Variants in ZMIZ2 observed in about 807,000 individuals in gnomAD.
ZMIZ2 encodes the protein zinc finger MIZ domain-containing protein 2.
In ZMIZ2, 26 loss-of-function variants were observed where a neutral mutation model predicts 93.9. The ratio of observed to expected loss-of-function variants is 0.28; its 90% CI spans 0.20 to 0.38. The LOEUF (loss-of-function observed/expected upper bound fraction) is 0.38, where lower values mean the gene tolerates loss of function less well. ZMIZ2 is among the 10% of genes least tolerant of loss of function. The pLI is 1.00. For synonymous variants in ZMIZ2, 485 were observed against 516.4 expected (o/e 0.94, Z 0.82); for missense variants, 1,023 against 1,235.0 (o/e 0.83, Z 2.57).
At chr7:44,753,876 G>A (rs560766527) in intron 1 of ZMIZ2, among the ~76,000 whole-genome samples, 1 of 151,242 alleles carries the variant, frequency 6.6e-6, no homozygotes, top group Admixed American at 6.6e-5. Flanking sequence ...TTTTTTGTTT[G>A]TTGTTTTGAT....
At chr7:44,760,257 G>T (rs753998721) in intron 8 of ZMIZ2, 29 bp downstream of exon 8, 48 of 1,600,848 alleles carry the variant, frequency 3.0e-5, no homozygotes, top group Non-Finnish European at 4.0e-5. Context: ...AGGATGGGCC[G>T]GGAGGCTCAC....
chr7:44,749,417 G>A (rs1398383433), intron 1 of ZMIZ2, among the ~76,000 whole-genome samples: 1 of 152,176 alleles, frequency 6.6e-6, no homozygotes, highest in East Asian at 1.9e-4. Context: ...ACGCCCCTCC[G>A]CTCCTACTTA....
chr7:44,757,696 G>A, intron 5 of ZMIZ2, 135 bp downstream of exon 5: 1 of 1,447,016 alleles, frequency 6.9e-7, no homozygotes, highest in Non-Finnish European at 9.1e-7. Context: ...AGAGAGATGT[G>A]TGGGAAGGAG....
At position 44,757,548 on chromosome 7, in the gene ZMIZ2, GC is replaced by G; in HGVS notation, c.541del (p.Gln181SerfsTer30). The G allele has an allele frequency of 6.2e-7, 1 of 1,605,732 alleles. No individual in the cohort carries two copies. The highest frequency in any genetic ancestry group is 8.5e-7 in the Non-Finnish European group (1 of 1,176,234). ...CAGGAGAAGCAGAGCCAGGAGCTGAGCCAGTATGGAGCGGTGAGCCCCCTCA... is the reference window on the plus strand; with the variant it reads ...CAGGAGAAGCAGAGCCAGGAGCTGAGCAGTATGGAGCGGTGAGCCCCCTCA... ...ALQEKQSQEL[S>X]QYGAMGAGQS... On this transcript the variant is annotated frameshift_variant, in exon 5 of 19. Coordinates refer to ENST00000309315, the MANE Select transcript of ZMIZ2 (RefSeq NM_031449.4). LOFTEE classifies it high-confidence loss of function.
In ZMIZ2 at chr7:44,765,337, C is replaced by T. The variant is rs754307051; in HGVS notation, c.2000C>T (p.Ser667Phe). 6.2e-7 allele frequency: 1 copy of T among 1,613,252 alleles called. No individual in the cohort carries two copies. Among genetic ancestry groups the T allele is most frequent in the Non-Finnish European group, 8.5e-7 (1 of 1,179,922 alleles). ...MLGILIYIQN[S>F]DYEEITIDPT... ...ATTCCCCACCTGTCCCTGCCCAGCTCTGACTATGAGGAGATCACCATCGAC... is the reference window on the plus strand; with the variant it reads ...ATTCCCCACCTGTCCCTGCCCAGCTTTGACTATGAGGAGATCACCATCGAC... The change falls in exon 16 of 19, where the codon TCT (serine) becomes TTT (phenylalanine). Residue 667 changes from serine (S) to phenylalanine (F), a missense_variant and splice_region_variant. Ser to Phe is a radical substitution (Grantham distance 155). Coordinates refer to ENST00000309315, the MANE Select transcript of ZMIZ2 (RefSeq NM_031449.4). The surrounding 1 kb of genome is among the most constrained non-coding windows in gnomAD (Gnocchi z 4.1).
In ZMIZ2 at chr7:44,766,238, G is replaced by C; in HGVS notation, c.2317G>C (p.Glu773Gln). The C allele has an allele frequency of 2.5e-6, 4 of 1,604,684 alleles. No individual in the cohort carries two copies. Among genetic ancestry groups the C allele is most frequent in the Non-Finnish European group, 3.4e-6 (4 of 1,174,716 alleles). The change falls in exon 17 of 19, where the codon GAG (glutamate) becomes CAG (glutamine). Residue 773 changes from glutamate to glutamine, a missense_variant. Transcript: ENST00000309315. The surrounding 1 kb of genome is among the most constrained non-coding windows in gnomAD (Gnocchi z 4.4). The part of the protein sequence containing the change: ...PTTPSTPTLA[E>Q]FTPGPPPISY... ...CACGCCCAGCACCCCAACCCTTGCTGAGTTCACCCCGGGACCACCCCCCAT... is the reference window on the plus strand; with the variant it reads ...CACGCCCAGCACCCCAACCCTTGCTCAGTTCACCCCGGGACCACCCCCCAT...
rs1791949281 is a variant in ZMIZ2 at position 44,768,822 on chromosome 7, C to T, written c.*1199C>T. On this transcript the variant is annotated 3_prime_UTR_variant, in exon 19 of 19. Transcript: ENST00000309315. ...GGGGGCCAGGTCGACCTTCAAGTGGCTTTTGGGGCCCCAGGTTGAGCTCTG... is the reference window on the plus strand; with the variant it reads ...GGGGGCCAGGTCGACCTTCAAGTGGTTTTTGGGGCCCCAGGTTGAGCTCTG... 6.6e-6 allele frequency: 1 copy of T among 152,242 alleles called. No individual in the cohort carries two copies. The highest frequency in any genetic ancestry group is 2.1e-4 in the South Asian group (1 of 4,826). 9.4% of individuals were successfully genotyped at this position (152,242 alleles called of 1,614,324 possible).
rs780358891 is a variant in ZMIZ2 at position 44,761,739 on chromosome 7, G to A, written c.1430G>A (p.Arg477Gln). 2 of 1,613,962 alleles carry A rather than the reference G, an allele frequency of 1.2e-6. No individual in the cohort carries two copies. Among genetic ancestry groups the A allele is most frequent in the Non-Finnish European group, 1.7e-6 (2 of 1,180,020 alleles). The change falls in exon 11 of 19, where the codon CGG becomes CAG. Residue 477 changes from arginine (R) to glutamine (Q), a missense_variant. Arg to Gln is a conservative substitution (Grantham distance 43). Around this residue, in one of 3 missense-constraint regions of ZMIZ2, gnomAD observed 656 missense variants for 777.1 expected, o/e 0.84. Transcript: ENST00000309315. This position sits in a 1 kb window ranked among gnomAD's most constrained non-coding sequence, Gnocchi z 5.8. Reference protein sequence around the residue: ...LQFKCYHHEDRQMNTNWPASV... With the variant: ...LQFKCYHHEDQQMNTNWPASV... Reference sequence around the variant, plus strand: ...TTCAAGTGCTACCACCACGAGGACCGGCAGATGAACACCAACTGGCCAGCC... The same window carrying A: ...TTCAAGTGCTACCACCACGAGGACCAGCAGATGAACACCAACTGGCCAGCC...
chr7:44,752,114 G>A (rs138326063), intron 1 of ZMIZ2, among the ~76,000 whole-genome samples: 63 of 152,032 alleles, frequency 4.1e-4, no homozygotes, highest in African/African-American at 1.5e-3. Context: ...CAGTAAAGAG[G>A]TTACAGCCTG....
Position 44,761,708 on chromosome 7 carries a change from C to T in ZMIZ2, c.1399C>T (p.Leu467=). ...KTLIMRPDLE[L]QFKCYHHEDR... ...CTTCCTGAGCAGGCCTGACCTGGAG[C>T]TGCAATTCAAGTGCTACCACCACGA... The change falls in exon 11 of 19, where the codon CTG becomes TTG. Residue 467 remains leucine (L), a synonymous_variant. Transcript: ENST00000309315. This position sits in a 1 kb window ranked among gnomAD's most constrained non-coding sequence, Gnocchi z 5.8. 1 of 1,614,070 alleles carries T rather than the reference C, an allele frequency of 6.2e-7. No homozygotes were observed. The highest frequency in any genetic ancestry group is 1.7e-5 in the Admixed American group (1 of 60,022).
At chr7:44,760,642 C>T in intron 9 of ZMIZ2, 49 bp downstream of exon 9, 1 of 1,605,156 alleles carries the variant, frequency 6.2e-7, no homozygotes. Context: ...CCAGGGTGGG[C>T]ATGGGGGAAT....
chr7:44,760,429 C>G lies in ZMIZ2; in HGVS notation c.1076C>G (p.Thr359Ser), dbSNP rs1265058455. 2 of 1,613,980 alleles carry G rather than the reference C, an allele frequency of 1.2e-6. No individual in the cohort carries two copies. Among genetic ancestry groups the G allele is most frequent in the Non-Finnish European group, 1.7e-6 (2 of 1,179,928 alleles). Residue 359 changes from threonine (T) to serine (S), a missense_variant, in exon 9 of 19, where the codon ACC (threonine) becomes AGC (serine). By Grantham distance (58) the Thr-to-Ser change is moderately conservative. Around this residue, in one of 3 missense-constraint regions of ZMIZ2, gnomAD observed 656 missense variants for 777.1 expected, o/e 0.84. Transcript: ENST00000309315. ...TGTTTGTGCTCAACCCTACAGCCTACCCGTTCCATCCCGGGCTATCCCAGT... is the reference window on the plus strand; with the variant it reads ...TGTTTGTGCTCAACCCTACAGCCTAGCCGTTCCATCCCGGGCTATCCCAGT... ...SYSQPGLSGPTRSIPGYPSSP... is the reference protein window; with the variant it reads ...SYSQPGLSGPSRSIPGYPSSP...
Position 44,767,808 on chromosome 7 carries a change from A to C in ZMIZ2, c.*185A>C, listed in dbSNP as rs1791868778. 1.6e-6 allele frequency: 1 copy of C among 614,284 alleles called. No individual in the cohort carries two copies. The highest frequency in any genetic ancestry group is 1.8e-5 in the African/African-American group (1 of 54,096). The allele number at this position is 614,284 out of a possible 1,614,324, so 38.1% of individuals were successfully genotyped here. A position where few individuals can be genotyped will look rare whatever the true frequency, so the allele number is the denominator to read the frequency against. ...TGGAAGCAGCCCTGTGCTCGATGGG[A>C]GGGGCTCCCAGGCCGGCAGCCCTTG... On this transcript the variant is annotated 3_prime_UTR_variant, in exon 19 of 19. Coordinates refer to ENST00000309315, the MANE Select transcript of ZMIZ2 (RefSeq NM_031449.4).
Position 44,765,914 on chromosome 7 carries a change from C to A in ZMIZ2, c.2243-250C>A. On this transcript the variant is annotated intron_variant, in intron 16 of 18. Transcript: ENST00000309315. The surrounding 1 kb of genome is among the most constrained non-coding windows in gnomAD (Gnocchi z 4.1). ...TGGGACCCACCTCACACGCGTGGTGCGTTTGTTTGTGGCTGCTCCCATTCC... is the reference window on the plus strand; with the variant it reads ...TGGGACCCACCTCACACGCGTGGTGAGTTTGTTTGTGGCTGCTCCCATTCC... 7.2e-7 allele frequency: 1 copy of A among 1,396,678 alleles called. No individual in the cohort carries two copies. The highest frequency in any genetic ancestry group is 1.7e-5 in the South Asian group (1 of 58,476). The allele number at this position is 1,396,678 out of a possible 1,614,324, so 86.5% of individuals were successfully genotyped here. A position where few individuals can be genotyped will look rare whatever the true frequency, so the allele number is the denominator to read the frequency against.
intron 1 of ZMIZ2, 63 bp from the exon 2 acceptor site, chr7:44,756,125 C>T (rs1487574402): frequency 2.9e-6 from 4 of 1,377,008 alleles, no homozygotes; most frequent in Non-Finnish European, 1.0e-6. Context: ...GGGGTCCCTC[C>T]ACCCTGCTGA....
Position 44,760,465 on chromosome 7 carries a change from C to G in ZMIZ2, c.1112C>G (p.Pro371Arg), listed in dbSNP as rs780401492. ...CCGGGCTATCCCAGTTCCCCACTGCCAGGGAACCCCACGCCACCCATGACC... is the reference window on the plus strand; with the variant it reads ...CCGGGCTATCCCAGTTCCCCACTGCGAGGGAACCCCACGCCACCCATGACC... ...SIPGYPSSPL[P>R]GNPTPPMTPS... is the part of the protein sequence containing the mutation. Residue 371 changes from proline (P) to arginine (R), a missense_variant, in exon 9 of 19, where the codon CCA becomes CGA. By Grantham distance (103) the Pro-to-Arg change is moderately radical. Coordinates refer to ENST00000309315, the MANE Select transcript of ZMIZ2 (RefSeq NM_031449.4). 2 of 1,614,016 alleles carry G rather than the reference C, an allele frequency of 1.2e-6. No homozygotes were observed. Among genetic ancestry groups the G allele is most frequent in the African/African-American group, 2.7e-5 (2 of 74,894 alleles).
chr7:44,755,858 G>A (rs1212383769), intron 1 of ZMIZ2, among the ~76,000 whole-genome samples: 1 of 152,172 alleles, frequency 6.6e-6, no homozygotes, highest in African/African-American at 2.4e-5. Flanking sequence ...GCTTTATAAG[G>A]ATAGCCAGGC....
chr7:44,765,034 C>T lies in ZMIZ2; in HGVS notation c.1997+25C>T, dbSNP rs1791561982. On this transcript the variant is annotated intron_variant, in intron 15 of 18. Coordinates refer to ENST00000309315, the MANE Select transcript of ZMIZ2 (RefSeq NM_031449.4). The surrounding 1 kb of genome is among the most constrained non-coding windows in gnomAD (Gnocchi z 4.1). ...AGTAAGCATCCTCTTCCTGTGATCC[C>T]TGCATCTGTGGCCACTGGAGGGCAG... The T allele has an allele frequency of 6.2e-7, 1 of 1,613,600 alleles. No individual in the cohort carries two copies. The highest frequency in any genetic ancestry group is 1.3e-5 in the African/African-American group (1 of 74,942).
chr7:44,762,738 C>T, intron 11 of ZMIZ2, 143 bp from the exon 12 acceptor site: 1 of 664,332 alleles, frequency 1.5e-6, no homozygotes, highest in South Asian at 2.4e-5. Flanking sequence ...TGGCTGAATC[C>T]CCACCCCCAG....
Sources: gnomAD v4.1 joint callset for allele counts (sites outside exome capture counted in the v4.1 genomes callset) on GRCh38, gnomAD v4.1.1 for gene constraint, gnomAD v4.1.1 regional missense constraint, Gnocchi (gnomAD v3.1) non-coding constraint, MANE v1.5 for transcripts, NCBI Gene and HGNC (gene_info 2026-07-23, HGNC 2026-07-21) for gene names.